ZC3H6: variants seen among roughly 807,000 people sequenced by gnomAD.
ZC3H6 encodes the protein zinc finger CCCH domain-containing protein 6.
A neutral mutation model predicts 107.7 loss-of-function variants in ZC3H6; 40 were observed. That is an observed-to-expected ratio of 0.37 (90% confidence interval 0.29 to 0.48). ZC3H6 has a LOEUF of 0.48. Ranked by LOEUF, ZC3H6 falls within the 20% of genes least tolerant of loss-of-function variation. The probability of loss-of-function intolerance (pLI) is 0.98; values close to 1 mark genes in which losing one functional copy is unlikely to be tolerated. For missense variants in ZC3H6, 1,267 were observed against 1,410.4 expected (o/e 0.90, Z 1.63); for synonymous variants, 493 against 487.9 (o/e 1.01, Z -0.14).
At position 112,299,965 on chromosome 2, in the gene ZC3H6, GA is replaced by G; in HGVS notation, c.156del (p.Lys52AsnfsTer70). On this transcript the variant is annotated frameshift_variant, in exon 2 of 12. Transcript: ENST00000409871. LOFTEE classifies it high-confidence loss of function. ...QKSEKAYRKS[R>X]KKHKKEREKK... ...AGTGAGAAAGCCTACAGAAAATCAA[GA>G]AAAAAACATAAGAAAGAGAGAGAGA... 6.7e-7 allele frequency: 1 copy of G among 1,493,432 alleles called. No individual in the cohort carries two copies. The highest frequency in any genetic ancestry group is 8.9e-7 in the Non-Finnish European group (1 of 1,122,368). 92.5% of individuals were successfully genotyped at this position (1,493,432 alleles called of 1,614,324 possible).
intron 3 of ZC3H6, among the ~76,000 whole-genome samples, chr2:112,308,990 C>T (rs559968590): frequency 3.8e-4 from 57 of 151,720 alleles, no homozygotes; most frequent in African/African-American, 1.3e-3. Flanking sequence ...AGGCAGAGGT[C>T]GCAGTGAGCC....
chr2:112,329,773 A>T (rs1676985079), intron 11 of ZC3H6, among the ~76,000 whole-genome samples: 1 of 152,236 alleles, frequency 6.6e-6, no homozygotes, highest in Admixed American at 6.5e-5. Flanking sequence ...ATATCTATAC[A>T]TCTGTATTCC....
intron 7 of ZC3H6, among the ~76,000 whole-genome samples, chr2:112,317,993 G>A (rs1268108777): frequency 6.6e-6 from 1 of 152,064 alleles, no homozygotes; most frequent in Non-Finnish European, 1.5e-5. Context: ...TCTGGACTTC[G>A]TGTTTGGCTC....
At chr2:112,286,725 CTG>C (rs1315367423) in intron 1 of ZC3H6, among the ~76,000 whole-genome samples, 2 of 152,216 alleles carry the variant, frequency 1.3e-5, no homozygotes, top group African/African-American at 2.4e-5. Flanking sequence ...AGGCATGACA[CTG>C]TGCCTGGACA....
intron 1 of ZC3H6, among the ~76,000 whole-genome samples, chr2:112,284,375 C>A (rs1181397853): frequency 6.6e-6 from 1 of 151,676 alleles, no homozygotes; most frequent in Non-Finnish European, 1.5e-5. Flanking sequence ...TGCCAAATGG[C>A]CAAGTGTGAA....
chr2:112,290,422 C>A (rs922997531), intron 1 of ZC3H6, among the ~76,000 whole-genome samples: 2 of 152,262 alleles, frequency 1.3e-5, no homozygotes, highest in Non-Finnish European at 2.9e-5. Context: ...TCCACACTTC[C>A]CTGACGGATG....
chr2:112,282,150 G>T (rs1296794259), intron 1 of ZC3H6, among the ~76,000 whole-genome samples: 1 of 152,172 alleles, frequency 6.6e-6, no homozygotes, highest in Non-Finnish European at 1.5e-5. Context: ...CCTCACTAGG[G>T]TAGACATTTT....
At position 112,309,945 on chromosome 2, in the gene ZC3H6, A is replaced by G; in HGVS notation, c.397A>G (p.Lys133Glu). Reference sequence around the variant, plus strand: ...GAAGGGTCAACATAACAAAAAATTTAAAAGTAAAGAATATGATGAGTACAG... The same window carrying G: ...GAAGGGTCAACATAACAAAAAATTTGAAAGTAAAGAATATGATGAGTACAG... ...SKKGQHNKKF[K>E]SKEYDEYSTY... The change falls in exon 4 of 12, where the codon AAA (lysine) becomes GAA (glutamate). Residue 133 changes from lysine to glutamate, a missense_variant. Lys to Glu is a moderately conservative substitution (Grantham distance 56). Transcript: ENST00000409871. 6.2e-7 allele frequency: 1 copy of G among 1,605,130 alleles called. No individual in the cohort carries two copies. Among genetic ancestry groups the G allele is most frequent in the East Asian group, 2.2e-5 (1 of 44,660 alleles).
intron 8 of ZC3H6, 94 bp downstream of exon 8, chr2:112,321,959 A>C: frequency 1.8e-6 from 1 of 542,658 alleles, no homozygotes; most frequent in Non-Finnish European, 3.2e-6. Flanking sequence ...AACTGCTGAG[A>C]AATTGAAAGT....
intron 11 of ZC3H6, among the ~76,000 whole-genome samples, chr2:112,325,537 A>G (rs1487197665): frequency 6.6e-6 from 1 of 152,098 alleles, no homozygotes; most frequent in Non-Finnish European, 1.5e-5. Context: ...CTATCTTGTG[A>G]TTGATTGTGG....
At chr2:112,298,075 C>T (rs1558949339) in intron 1 of ZC3H6, among the ~76,000 whole-genome samples, 1 of 152,126 alleles carries the variant, frequency 6.6e-6, no homozygotes, top group Non-Finnish European at 1.5e-5. Context: ...GATCGTGCCA[C>T]TGCACTGCAG....
chr2:112,304,577 C>A (rs1459279085), intron 3 of ZC3H6, among the ~76,000 whole-genome samples: 2 of 152,202 alleles, frequency 1.3e-5, no homozygotes, highest in Non-Finnish European at 2.9e-5. Flanking sequence ...ATAGGGACAT[C>A]AGTCAAACTG....
intron 11 of ZC3H6, among the ~76,000 whole-genome samples, chr2:112,329,065 A>G (rs1170990000): frequency 2.0e-5 from 3 of 152,206 alleles, no homozygotes; most frequent in Middle Eastern, 3.4e-3. Flanking sequence ...GTAGTGTTCT[A>G]TGGGAGTTGT....
At chr2:112,327,441 T>A (rs1676924341) in intron 11 of ZC3H6, among the ~76,000 whole-genome samples, 1 of 152,234 alleles carries the variant, frequency 6.6e-6, no homozygotes, top group Non-Finnish European at 1.5e-5. Context: ...AGATAGGTAG[T>A]TTGCAGATAT....
intron 1 of ZC3H6, among the ~76,000 whole-genome samples, chr2:112,299,511 G>A (rs1291131189): frequency 6.6e-6 from 1 of 152,122 alleles, no homozygotes; most frequent in South Asian, 2.1e-4. Context: ...TTAGTAGATG[G>A]TAACTATTGG....
At chr2:112,290,091 T>TA (rs1269906335) in intron 1 of ZC3H6, among the ~76,000 whole-genome samples, 2 of 152,170 alleles carry the variant, frequency 1.3e-5, no homozygotes, top group South Asian at 2.1e-4. Context: ...TTTGAGCCCT[T>TA]AAAAAAATGC....
rs182941924 is a variant in ZC3H6, at chr2:112,305,593, T to C, written c.336+2242T>C. Among the ~76,000 whole-genome samples the C allele has an allele frequency of 6.6e-5, 10 of 152,340 alleles. No homozygotes were observed. In the East Asian group the frequency reaches 1.7e-3, roughly 26 times the overall value. On this transcript the variant is annotated intron_variant, in intron 3 of 11. Transcript: ENST00000409871. ...AAACGGATGGTCTTTTATATTTATC[T>C]ACATTTCATTTCCAGTGTTCTTCAC...
Position 112,324,671 on chromosome 2 carries a change from T to A in ZC3H6, c.1852+8T>A. 1 of 1,525,306 alleles carries A rather than the reference T, an allele frequency of 6.6e-7. No homozygotes were observed. Among genetic ancestry groups the A allele is most frequent in the Non-Finnish European group, 8.7e-7 (1 of 1,146,994 alleles). 94.5% of individuals were successfully genotyped at this position (1,525,306 alleles called of 1,614,324 possible). ...CACCCAATAACTCTGGTGGTAAGTT[T>A]ACTTTTTTGAAATAATTTATTCCTA... On this transcript the variant is annotated splice_region_variant and intron_variant, in intron 10 of 11. Coordinates refer to ENST00000409871, the MANE Select transcript of ZC3H6 (RefSeq NM_198581.3).
At chr2:112,291,333 A>C (rs1676110230) in intron 1 of ZC3H6, among the ~76,000 whole-genome samples, 1 of 152,234 alleles carries the variant, frequency 6.6e-6, no homozygotes, top group Admixed American at 6.5e-5. Context: ...TCCTGGGCTC[A>C]AGCAATTCTC....
Sources: allele counts gnomAD v4.1 joint callset (sites outside exome capture counted in the v4.1 genomes callset), GRCh38; gene constraint gnomAD v4.1.1; transcripts MANE v1.5; gene names NCBI Gene and HGNC (gene_info 2026-07-23, HGNC 2026-07-21).